Variants in GLI2 observed in about 807,000 individuals in gnomAD.
The protein encoded by GLI2 is GLI family zinc finger 2, also known as transcription activator GLI2.
A neutral mutation model predicts 78.9 loss-of-function variants in GLI2; 22 were observed. The observed-to-expected ratio is 0.28, with a 90% CI of 0.20 to 0.40. The LOEUF is 0.40. GLI2 is among the 10% of genes least tolerant of loss of function. The pLI is 1.00. For missense variants in GLI2, 2,097 were observed against 2,213.2 expected (o/e 0.95, Z 1.05); for synonymous variants, 974 against 963.7 (o/e 1.01, Z -0.20).
rs187655988 is a variant in GLI2 at position 120,852,657 on chromosome 2, C to A, written c.148+55189C>A. On this transcript the variant is annotated intron_variant, in intron 2 of 13. Transcript: ENST00000361492. Reference sequence around the variant, plus strand: ...CTGCCCACAGATACCTCTCCTGCCTCCCCAGCCCACTTTGGGATCAAGCCT... The same window carrying A: ...CTGCCCACAGATACCTCTCCTGCCTACCCAGCCCACTTTGGGATCAAGCCT... Among the ~76,000 whole-genome samples, 8 of 152,314 alleles carry A rather than the reference C, an allele frequency of 5.3e-5. No homozygotes were observed. In the East Asian group the frequency reaches 1.5e-3, roughly 29 times the overall value.
At chr2:120,821,128 C>T (rs766805790) in intron 2 of GLI2, among the ~76,000 whole-genome samples, 14 of 152,082 alleles carry the variant, frequency 9.2e-5, no homozygotes, top group African/African-American at 1.7e-4. Flanking sequence ...CTTGCGTGGG[C>T]GGCTGAGCTC....
chr2:120,761,642 A>T (rs922495083), intron 1 of GLI2, among the ~76,000 whole-genome samples: 1 of 152,062 alleles, frequency 6.6e-6, no homozygotes, highest in Non-Finnish European at 1.5e-5. Flanking sequence ...GAGAGCACTT[A>T]GTCCCAGCCC....
intron 1 of GLI2, among the ~76,000 whole-genome samples, chr2:120,742,591 C>G (rs1257071414): frequency 1.3e-5 from 2 of 150,606 alleles, no homozygotes; most frequent in Non-Finnish European, 2.9e-5. Context: ...CACGTGAGGC[C>G]GTAGCATTAT....
chr2:120,745,591 C>T (rs946441324), intron 1 of GLI2, among the ~76,000 whole-genome samples: 6 of 152,148 alleles, frequency 3.9e-5, no homozygotes, highest in Non-Finnish European at 7.4e-5. Flanking sequence ...CCTTGGAGAC[C>T]TGGGCTCTTC....
At chr2:120,970,206 C>G (rs186845025) in intron 6 of GLI2, among the ~76,000 whole-genome samples, 187 bp from the exon 7 acceptor site, 13 of 152,202 alleles carry the variant, frequency 8.5e-5, no homozygotes, top group Non-Finnish European at 1.5e-4. Context: ...GGGAGCTGAT[C>G]GCAGAAGGTG....
chr2:120,898,148 C>T (rs1405230452), intron 2 of GLI2, among the ~76,000 whole-genome samples: 1 of 149,242 alleles, frequency 6.7e-6, no homozygotes, highest in Non-Finnish European at 1.5e-5. Flanking sequence ...GGTTAAAACG[C>T]AATGGCATAA....
chr2:120,784,512 G>A (rs1381442249), intron 1 of GLI2, among the ~76,000 whole-genome samples: 1 of 152,086 alleles, frequency 6.6e-6, no homozygotes, highest in Non-Finnish European at 1.5e-5. Context: ...GGGGCAGGGA[G>A]GGCACAGGCC....
chr2:120,746,765 A>C (rs760583841), intron 1 of GLI2, among the ~76,000 whole-genome samples: 8 of 152,334 alleles, frequency 5.3e-5, no homozygotes, highest in Non-Finnish European at 2.9e-5. Context: ...GGAGAAGCAG[A>C]AAAGAGAAAT....
At chr2:120,748,691 T>C (rs971453188) in intron 1 of GLI2, among the ~76,000 whole-genome samples, 6 of 152,192 alleles carry the variant, frequency 3.9e-5, no homozygotes, top group Non-Finnish European at 8.8e-5. Flanking sequence ...AGCAATGAGA[T>C]TGATCATCAG....
intron 1 of GLI2, among the ~76,000 whole-genome samples, chr2:120,750,421 C>T (rs1682831771): frequency 6.6e-6 from 1 of 152,388 alleles, no homozygotes; most frequent in Non-Finnish European, 1.5e-5. Context: ...GAGCAAGGGG[C>T]TCAGAGCAGG....
intron 12 of GLI2, 134 bp from the exon 13 acceptor site, chr2:120,986,144 G>T (rs940851525): frequency 6.5e-6 from 5 of 765,680 alleles, no homozygotes; most frequent in South Asian, 4.5e-5. Flanking sequence ...GTGCTCCTCC[G>T]CAAGGCAGCT....
At chr2:120,812,146 T>C (rs994118743) in intron 2 of GLI2, among the ~76,000 whole-genome samples, 1 of 152,166 alleles carries the variant, frequency 6.6e-6, no homozygotes, top group African/African-American at 2.4e-5. Flanking sequence ...TCAAATGTGC[T>C]GGTTAGGGCG....
intron 1 of GLI2, among the ~76,000 whole-genome samples, chr2:120,751,110 C>G (rs1682859781): frequency 6.6e-6 from 1 of 152,224 alleles, no homozygotes; most frequent in Admixed American, 6.5e-5. Flanking sequence ...AGGGCCAGCC[C>G]CCTGTAGCTA....
chr2:120,955,503 G>A (rs904879732), intron 5 of GLI2, 73 bp downstream of exon 5: 3 of 1,043,554 alleles, frequency 2.9e-6, no homozygotes, highest in Non-Finnish European at 4.1e-6. Context: ...GTCACTCGCT[G>A]TTTCTTTTGG....
intron 2 of GLI2, among the ~76,000 whole-genome samples, chr2:120,804,492 G>T (rs1684853615): frequency 6.6e-6 from 1 of 152,234 alleles, no homozygotes; most frequent in Non-Finnish European, 1.5e-5. Flanking sequence ...TGGCCCCCCT[G>T]CCAGGCCCCA....
intron 2 of GLI2, among the ~76,000 whole-genome samples, chr2:120,851,073 T>G (rs1338705160): frequency 6.6e-6 from 1 of 152,226 alleles, no homozygotes; most frequent in African/African-American, 2.4e-5. Flanking sequence ...TACGCAGATC[T>G]TTTCTCAGCC....
intron 1 of GLI2, among the ~76,000 whole-genome samples, chr2:120,766,217 C>T (rs1007166161): frequency 6.6e-6 from 1 of 152,190 alleles, no homozygotes; most frequent in Non-Finnish European, 1.5e-5. Flanking sequence ...CCAGCTGTGG[C>T]GCCTCAGTTT....
At chr2:120,905,922 C>T (rs960353288) in intron 2 of GLI2, among the ~76,000 whole-genome samples, 20 of 151,632 alleles carry the variant, frequency 1.3e-4, no homozygotes, top group Non-Finnish European at 2.8e-4. Context: ...TCAGTGCACT[C>T]AGCTTATCCC....
chr2:120,789,089 C>T (rs1456250647), intron 1 of GLI2, among the ~76,000 whole-genome samples: 3 of 142,316 alleles, frequency 2.1e-5, no homozygotes, highest in African/African-American at 5.5e-5. Context: ...TGGAGTGTAG[C>T]GACACGATCT....
Sources: allele counts gnomAD v4.1 joint callset (sites outside exome capture counted in the v4.1 genomes callset), GRCh38; gene constraint gnomAD v4.1.1; transcripts MANE v1.5; gene names NCBI Gene and HGNC (gene_info 2026-07-23, HGNC 2026-07-21).